DNAAF9: variants seen among roughly 807,000 people sequenced by gnomAD.
The protein encoded by DNAAF9 is dynein axonemal assembly factor 9.
In DNAAF9, 90 loss-of-function variants were observed where a neutral mutation model predicts 167.0. That is an observed-to-expected ratio of 0.54 (90% CI 0.45 to 0.64). The LOEUF is 0.64. Among genes scored for constraint, DNAAF9 ranks in the 30% least tolerant of loss-of-function variants. The pLI is 0.00. For missense variants in DNAAF9, 1,315 were observed against 1,442.2 expected, an observed-to-expected ratio of 0.91 and a Z score of 1.43; for synonymous variants, 491 against 508.8, an observed-to-expected ratio of 0.96 and a Z score of 0.47.
Position 3,336,948 on chromosome 20 carries a change from C to T in DNAAF9, c.981+3556G>A, listed in dbSNP as rs1159563030. On this transcript the variant is annotated intron_variant, in intron 10 of 36. Transcript: ENST00000252032. ...CAGGCTGGAGGCAGTGGCACGATCTCGGCTCACTGCAAGCTCCGCCTCCCG... is the reference window on the plus strand; with the variant it reads ...CAGGCTGGAGGCAGTGGCACGATCTTGGCTCACTGCAAGCTCCGCCTCCCG... Among the ~76,000 whole-genome samples, 8 of 142,700 alleles carry T rather than the reference C, an allele frequency of 5.6e-5. No individual in the cohort carries two copies. The East Asian group carries it at 6.5e-4, about 12-fold the overall frequency. The allele number at this position is 142,700 out of a possible 152,430, so 93.6% of individuals were successfully genotyped here.
chr20:3,301,652 A>T (rs1053033744), intron 21 of DNAAF9, among the ~76,000 whole-genome samples: 9 of 152,164 alleles, frequency 5.9e-5, no homozygotes, highest in African/African-American at 2.2e-4. Flanking sequence ...CTCAGGATTT[A>T]TTCCTTAGTA....
intron 28 of DNAAF9, 107 bp downstream of exon 28, chr20:3,281,534 C>A: frequency 9.6e-7 from 1 of 1,044,036 alleles, no homozygotes; most frequent in Admixed American, 2.8e-5. Flanking sequence ...AAAAGAACAG[C>A]ATTTACTACA....
intron 16 of DNAAF9, among the ~76,000 whole-genome samples, chr20:3,321,718 GCCA>G (rs1270314889): frequency 6.6e-6 from 1 of 152,078 alleles, no homozygotes; most frequent in Non-Finnish European, 1.5e-5. Flanking sequence ...ACAGGTGCAT[GCCA>G]CCACACCTGC....
intron 1 of DNAAF9, among the ~76,000 whole-genome samples, chr20:3,397,417 C>T (rs941363797): frequency 2.0e-5 from 3 of 152,132 alleles, no homozygotes; most frequent in African/African-American, 7.2e-5. Context: ...CTCCTGGGTT[C>T]ACACCATTCT....
chr20:3,320,513 G>C (rs965022490), intron 16 of DNAAF9, among the ~76,000 whole-genome samples: 1 of 152,174 alleles, frequency 6.6e-6, no homozygotes, highest in African/African-American at 2.4e-5. Flanking sequence ...CACTGCTCAA[G>C]AGTCTAAGGA....
In DNAAF9 at chr20:3,269,971, A is replaced by G. The variant is rs552215805; in HGVS notation, c.2786+456T>C. 1.2e-3 allele frequency among the ~76,000 whole-genome samples: 187 copies of G among 151,220 alleles called. 1 individual carries two copies. Among genetic ancestry groups the G allele is most frequent in the African/African-American group, 4.3e-3 (179 of 41,266 alleles). On this transcript the variant is annotated intron_variant, in intron 30 of 36. Transcript: ENST00000252032. Reference sequence around the variant, plus strand: ...AGACTCCGTCTCAAAAAAAAAAAAAACACTTCAAAAACTGTTTTTTTTCTT... The same window carrying G: ...AGACTCCGTCTCAAAAAAAAAAAAAGCACTTCAAAAACTGTTTTTTTTCTT...
At chr20:3,385,581 A>C (rs2083722698) in intron 1 of DNAAF9, among the ~76,000 whole-genome samples, 2 of 152,092 alleles carry the variant, frequency 1.3e-5, no homozygotes, top group African/African-American at 4.8e-5. Flanking sequence ...ACATGCCACC[A>C]CACAAGCTAA....
At chr20:3,365,767 T>C (rs2083425846) in intron 6 of DNAAF9, among the ~76,000 whole-genome samples, 1 of 152,236 alleles carries the variant, frequency 6.6e-6, no homozygotes, top group Non-Finnish European at 1.5e-5. Context: ...ACTGCTTTAT[T>C]AACTAAGTTT....
intron 31 of DNAAF9, among the ~76,000 whole-genome samples, chr20:3,260,597 G>A (rs966009590): frequency 2.1e-5 from 3 of 141,120 alleles, no homozygotes; most frequent in Non-Finnish European, 3.1e-5. Flanking sequence ...TTCCTGGTAC[G>A]GTGGGGGGCT....
chr20:3,296,869 T>C lies in DNAAF9; in HGVS notation c.2010A>G (p.Gln670=). 1 of 1,604,232 alleles carries C rather than the reference T, an allele frequency of 6.2e-7. No homozygotes were observed. The highest frequency in any genetic ancestry group is 8.5e-7 in the Non-Finnish European group (1 of 1,171,158). ...VIQEDGLSVE[Q]KRLHSSAQKL... ...CTGAAGCAGCCACTTACAATCTCTT[T>C]TGTTCCACAGATAATCCATCTTCCT... is the stretch of plus-strand genomic sequence containing the variant. Residue 670 remains glutamine (Q), a synonymous_variant, in exon 23 of 37, where the codon CAA becomes CAG. Transcript: ENST00000252032.
At chr20:3,345,434 A>C (rs1448413412) in intron 8 of DNAAF9, among the ~76,000 whole-genome samples, 1 of 152,208 alleles carries the variant, frequency 6.6e-6, no homozygotes, top group Non-Finnish European at 1.5e-5. Context: ...TTTCCTCTCT[A>C]GAGATGAGTT....
intron 6 of DNAAF9, among the ~76,000 whole-genome samples, chr20:3,372,315 G>T (rs547987226): frequency 6.6e-6 from 1 of 152,194 alleles, no homozygotes; most frequent in Non-Finnish European, 1.5e-5. Flanking sequence ...GAAGACTGAG[G>T]TGGGGTAGAA....
At position 3,259,961 on chromosome 20, in the gene DNAAF9, G is replaced by A. The variant is rs771882764; in HGVS notation, c.2941C>T (p.Arg981Cys). Residue 981 changes from arginine to cysteine, a missense_variant, in exon 32 of 37, where the codon CGT (arginine) becomes TGT (cysteine). Physicochemically the swap from Arg to Cys is radical, Grantham distance 180. Transcript: ENST00000252032. The stretch of plus-strand genomic sequence containing the variant: ...ACAAAGCGAGTCTTCTCCAAGGGAC[G>A]GCCAAACCATACGCAGATCTGAACC... ...LMVQICVWFG[R>C]PLEKTRFVAK... 70 of 1,612,190 alleles carry A rather than the reference G, an allele frequency of 4.3e-5. No homozygotes were observed. Among genetic ancestry groups the A allele is most frequent in the Non-Finnish European group, 5.4e-5 (64 of 1,178,296 alleles).
chr20:3,295,655 C>A (rs1319454930), intron 23 of DNAAF9: 2 of 518,430 alleles, frequency 3.9e-6, no homozygotes, highest in East Asian at 1.0e-4. Flanking sequence ...CTACCTCCTG[C>A]TGTTTCACAT....
intron 1 of DNAAF9, among the ~76,000 whole-genome samples, chr20:3,398,485 T>TCTA (rs1191835314): frequency 6.7e-6 from 1 of 150,152 alleles, no homozygotes; most frequent in Non-Finnish European, 1.5e-5. Context: ...CACACTGGTG[T>TCTA]CTACAAGTTA....
intron 7 of DNAAF9, among the ~76,000 whole-genome samples, chr20:3,352,578 G>A (rs576146452): frequency 3.9e-5 from 6 of 152,134 alleles, no homozygotes; most frequent in Non-Finnish European, 7.3e-5. Context: ...GAATCTCTGC[G>A]TCTTACTGGC....
At chr20:3,369,083 C>T (rs1455039523) in intron 6 of DNAAF9, among the ~76,000 whole-genome samples, 2 of 150,520 alleles carry the variant, frequency 1.3e-5, no homozygotes, top group Non-Finnish European at 2.9e-5. Flanking sequence ...GAGCCAAGAT[C>T]GTGCCATTGC....
rs2083904167 is a variant in DNAAF9 at position 3,396,142 on chromosome 20, T to TA, written c.83+11332dup. ...CAGCCACGTGGAACTGTGAGTCCAATAAACCTCTTTCTTTTGTAAATTGCC... is the reference window on the plus strand; with the variant it reads ...CAGCCACGTGGAACTGTGAGTCCAATAAAACCTCTTTCTTTTGTAAATTGCC... On this transcript the variant is annotated intron_variant, in intron 1 of 36. Transcript: ENST00000252032. Among the ~76,000 whole-genome samples, 3 of 152,372 alleles carry TA rather than the reference T, an allele frequency of 2.0e-5. No individual in the cohort carries two copies. In the South Asian group the frequency reaches 6.2e-4, roughly 32 times the overall value.
Position 3,315,645 on chromosome 20 carries a change from G to A in DNAAF9, c.1590+90C>T. 1 of 977,620 alleles carries A rather than the reference G, an allele frequency of 1.0e-6. No homozygotes were observed. The allele number at this position is 977,620 out of a possible 1,614,324, so 60.6% of individuals were successfully genotyped here. A position where few individuals can be genotyped will look rare whatever the true frequency, so the allele number is the denominator to read the frequency against. ...AACATAGTGCAAGTCTTTTAGATTAGTAGTGAGATGAAGCATTTTAATACC... is the reference window on the plus strand; with the variant it reads ...AACATAGTGCAAGTCTTTTAGATTAATAGTGAGATGAAGCATTTTAATACC... On this transcript the variant is annotated intron_variant, in intron 19 of 36. Coordinates refer to ENST00000252032, the MANE Select transcript of DNAAF9 (RefSeq NM_001009984.3). The surrounding 1 kb of genome is among the most constrained non-coding windows in gnomAD (Gnocchi z 4.1).
Sources: allele counts gnomAD v4.1 joint callset (sites outside exome capture counted in the v4.1 genomes callset), GRCh38; gene constraint gnomAD v4.1.1; non-coding constraint Gnocchi (gnomAD v3.1); transcripts MANE v1.5; gene names NCBI Gene and HGNC (gene_info 2026-07-23, HGNC 2026-07-21).